The following ANKS1A variants were observed in gnomAD, a reference collection of about 807,000 sequenced individuals.
The protein encoded by ANKS1A is ankyrin repeat and sterile alpha motif domain containing 1A.
ANKS1A carries 55 observed loss-of-function variants against 120.3 expected under a neutral mutation model. That is an observed-to-expected ratio of 0.46 (90% CI 0.37 to 0.57). The LOEUF (loss-of-function observed/expected upper bound fraction) is 0.57. Among genes scored for constraint, ANKS1A ranks in the 20% least tolerant of loss-of-function variants. The pLI, the probability that ANKS1A is intolerant of heterozygous loss-of-function variation, is 0.00. For synonymous variants in ANKS1A, 590 were observed against 604.7 expected (o/e 0.98, Z 0.36); for missense variants, 1,123 against 1,480.3 (o/e 0.76, Z 3.96).
chr6:35,080,919 G>A (rs1777635402), intron 16 of ANKS1A, 75 bp from the exon 17 acceptor site: 2 of 1,551,106 alleles, frequency 1.3e-6, no homozygotes, highest in African/African-American at 1.4e-5. Flanking sequence ...GTCCTAACCA[G>A]TGGGGCTGGC....
intron 11 of ANKS1A, among the ~76,000 whole-genome samples, chr6:35,029,422 C>T (rs1774789091): frequency 7.2e-6 from 1 of 138,750 alleles, no homozygotes; most frequent in Admixed American, 7.8e-5. Flanking sequence ...AAACTTGGTT[C>T]ACTGCAACCT....
chr6:35,066,569 T>C (rs1776787699), intron 13 of ANKS1A, among the ~76,000 whole-genome samples: 1 of 151,910 alleles, frequency 6.6e-6, no homozygotes, highest in Non-Finnish European at 1.5e-5. Flanking sequence ...GGGGGGGTGC[T>C]TTCATGAAAC....
At chr6:35,063,075 G>C (rs1383437345) in intron 13 of ANKS1A, among the ~76,000 whole-genome samples, 1 of 152,212 alleles carries the variant, frequency 6.6e-6, no homozygotes, top group African/African-American at 2.4e-5. Context: ...TATCCACACT[G>C]TCTTGCTTAC....
chr6:34,939,967 A>G (rs1024215270), intron 1 of ANKS1A, among the ~76,000 whole-genome samples: 1 of 152,148 alleles, frequency 6.6e-6, no homozygotes, highest in Non-Finnish European at 1.5e-5. Context: ...CTTTGGGGGA[A>G]GCGCTATAGT....
intron 17 of ANKS1A, among the ~76,000 whole-genome samples, chr6:35,081,775 G>T (rs1034189607): frequency 6.6e-6 from 1 of 152,160 alleles, no homozygotes; most frequent in African/African-American, 2.4e-5. Flanking sequence ...CCTTCTCAGG[G>T]CATCATTTCC....
At chr6:34,994,215 A>G (rs1350525897) in intron 9 of ANKS1A, 87 bp from the exon 10 acceptor site, 4 of 1,510,806 alleles carry the variant, frequency 2.6e-6, no homozygotes, top group Non-Finnish European at 3.6e-6. Flanking sequence ...TGATGAAAAA[A>G]GAGCCAATAA....
intron 1 of ANKS1A, among the ~76,000 whole-genome samples, chr6:34,965,088 G>A (rs1457774086): frequency 2.0e-5 from 3 of 152,158 alleles, no homozygotes; most frequent in Non-Finnish European, 4.4e-5. Flanking sequence ...TCTGTGTAGG[G>A]TGGGATATCT....
chr6:34,972,064 G>T (rs999819092), intron 3 of ANKS1A, among the ~76,000 whole-genome samples: 2 of 152,174 alleles, frequency 1.3e-5, no homozygotes, highest in African/African-American at 4.8e-5. Context: ...TTCAATGTTG[G>T]AAAGACTGGT....
chr6:35,039,192 CTTTTT>C (rs35565672), intron 11 of ANKS1A, among the ~76,000 whole-genome samples: 13 of 83,802 alleles, frequency 1.6e-4, no homozygotes, highest in Admixed American at 4.9e-4. Context: ...CTCCCTCATA[CTTTTT>C]TTTTTTTTTT....
rs34756440 is a variant in ANKS1A at position 35,000,461 on chromosome 6, T to TA, written c.1423+6052dup. 5.7e-3 allele frequency among the ~76,000 whole-genome samples: 832 copies of TA among 146,790 alleles called. 9 individuals carry two copies. Among genetic ancestry groups the TA allele is most frequent in the African/African-American group, 0.019 (741 of 39,484 alleles). On this transcript the variant is annotated intron_variant, in intron 10 of 23. Transcript: ENST00000360359. ...TCCACAGACGTAAAGAAAGTTCACT[T>TA]AAAAAAAAAAAAAGAATGGTTATCT...
intron 1 of ANKS1A, among the ~76,000 whole-genome samples, chr6:34,909,888 G>A (rs1256368507): frequency 6.6e-6 from 1 of 152,180 alleles, no homozygotes; most frequent in African/African-American, 2.4e-5. Context: ...CAGTGTGTGC[G>A]AAGAATGGGT....
downstream of ANKS1A, chr6:35,091,497 A>C: frequency 3.4e-6 from 3 of 875,218 alleles, no homozygotes; most frequent in Non-Finnish European, 4.1e-6. Flanking sequence ...GCTCAGGATC[A>C]GTGATTCGCA....
chr6:35,076,670 C>T (rs750914894), intron 13 of ANKS1A, among the ~76,000 whole-genome samples: 3 of 152,074 alleles, frequency 2.0e-5, no homozygotes, highest in Non-Finnish European at 4.4e-5. Context: ...ACCCTGTCGC[C>T]CAGGCTAGAG....
intron 10 of ANKS1A, among the ~76,000 whole-genome samples, chr6:35,012,353 G>A (rs537526678): frequency 6.6e-6 from 1 of 152,282 alleles, no homozygotes; most frequent in East Asian, 1.9e-4. Flanking sequence ...GAATAACTTG[G>A]TCAGGACCTT....
chr6:34,989,054 A>T (rs563984425), intron 8 of ANKS1A, among the ~76,000 whole-genome samples, 170 bp from the exon 9 acceptor site: 1 of 152,314 alleles, frequency 6.6e-6, no homozygotes, highest in East Asian at 1.9e-4. Context: ...TGAATTGTGT[A>T]TGTATGCACA....
At chr6:35,002,280 C>T (rs753837498) in intron 10 of ANKS1A, among the ~76,000 whole-genome samples, 31 of 152,048 alleles carry the variant, frequency 2.0e-4, no homozygotes, top group Middle Eastern at 3.4e-3. Context: ...GGGAGCTGTA[C>T]GTGGATGGGA....
chr6:34,970,208 G>C, intron 3 of ANKS1A, 42 bp downstream of exon 3: 1 of 1,573,116 alleles, frequency 6.4e-7, no homozygotes, highest in South Asian at 1.2e-5. Context: ...TTCAGCTATA[G>C]CCAGATGTGG....
rs1444458312 is a variant in ANKS1A, at chr6:35,089,695, C to T, written c.*1086C>T. 1.0e-6 allele frequency: 1 copy of T among 992,036 alleles called. No individual in the cohort carries two copies. Among genetic ancestry groups the T allele is most frequent in the Non-Finnish European group, 1.2e-6 (1 of 834,042 alleles). 61.5% of individuals were successfully genotyped at this position (992,036 alleles called of 1,614,324 possible). ...CGTGGCCTTTGGGGCAGGCTGGCAT[C>T]CCGGTGCGCCTCTGCTTCTTAAGCT... On this transcript the variant is annotated 3_prime_UTR_variant, in exon 24 of 24. Transcript: ENST00000360359.
intron 11 of ANKS1A, among the ~76,000 whole-genome samples, chr6:35,031,176 A>G (rs1308443984): frequency 1.3e-5 from 2 of 152,064 alleles, no homozygotes; most frequent in East Asian, 1.9e-4. Flanking sequence ...TGCCTTTTAA[A>G]GCTTTATCCT....
Sources: allele counts gnomAD v4.1 joint callset (sites outside exome capture counted in the v4.1 genomes callset), GRCh38; gene constraint gnomAD v4.1.1; transcripts MANE v1.5; gene names NCBI Gene and HGNC (gene_info 2026-07-23, HGNC 2026-07-21).